Variants in CWF19L2 observed in about 807,000 individuals in gnomAD.
CWF19L2 encodes the protein CWF19-like protein 2.
CWF19L2 carries 98 observed loss-of-function variants against 111.7 expected under a neutral mutation model. The ratio of observed to expected loss-of-function variants is 0.88; its 90% confidence interval spans 0.75 to 1.04. The LOEUF (loss-of-function observed/expected upper bound fraction) is 1.04, where lower values mean the gene tolerates loss of function less well. Ranked by LOEUF, CWF19L2 falls within the 50% of genes least tolerant of loss-of-function variation. The probability of loss-of-function intolerance (pLI) is 0.00; values close to 1 mark genes in which losing one functional copy is unlikely to be tolerated. For missense variants in CWF19L2, 1,101 were observed against 1,051.4 expected, an observed-to-expected ratio of 1.05 and a Z score of -0.65; for synonymous variants, 351 against 342.9, an observed-to-expected ratio of 1.02 and a Z score of -0.26.
chr11:107,345,019 G>A (rs1220424608), intron 14 of CWF19L2, among the ~76,000 whole-genome samples: 1 of 152,088 alleles, frequency 6.6e-6, no homozygotes, highest in African/African-American at 2.4e-5. Flanking sequence ...ATACTATCCT[G>A]ACTGGAAGGA....
chr11:107,451,563 C>T (rs1010080345), intron 3 of CWF19L2, among the ~76,000 whole-genome samples: 1 of 151,776 alleles, frequency 6.6e-6, no homozygotes, highest in African/African-American at 2.4e-5. Context: ...ACAGAGGAAA[C>T]AAACAGAAAA....
chr11:107,353,489 G>C (rs374724322), intron 13 of CWF19L2, 35 bp downstream of exon 13: 4 of 1,535,478 alleles, frequency 2.6e-6, no homozygotes, highest in Non-Finnish European at 3.6e-6. Context: ...AAAGTTCTAT[G>C]AGAATGTAAG....
Position 107,336,729 on chromosome 11 carries a change from A to C in CWF19L2, c.2203-16T>G, listed in dbSNP as rs1859931074. On this transcript the variant is annotated splice_polypyrimidine_tract_variant and intron_variant, in intron 14 of 17. Coordinates refer to ENST00000282251, the MANE Select transcript of CWF19L2 (RefSeq NM_152434.3). ...TTCTGAACATCTAAAAAAAAAAAAGAACTAGGTAAAGAAAACACTTAAAGG... is the reference window on the plus strand; with the variant it reads ...TTCTGAACATCTAAAAAAAAAAAAGCACTAGGTAAAGAAAACACTTAAAGG... 1 of 1,313,662 alleles carries C rather than the reference A, an allele frequency of 7.6e-7. No homozygotes were observed. Among genetic ancestry groups the C allele is most frequent in the African/African-American group, 1.5e-5 (1 of 65,838 alleles). 81.4% of individuals were successfully genotyped at this position (1,313,662 alleles called of 1,614,324 possible).
intron 16 of CWF19L2, among the ~76,000 whole-genome samples, chr11:107,333,068 C>T (rs796233281): frequency 6.9e-5 from 10 of 145,248 alleles, no homozygotes; most frequent in African/African-American, 2.3e-4. Flanking sequence ...CGTCACTGGG[C>T]GACAGAGCTA....
At chr11:107,436,732 TA>T (rs1228746537) in intron 6 of CWF19L2, among the ~76,000 whole-genome samples, 1 of 152,150 alleles carries the variant, frequency 6.6e-6, no homozygotes, top group African/African-American at 2.4e-5. Flanking sequence ...TACATGGTAA[TA>T]AAAATAGTCT....
At chr11:107,363,118 A>G (rs1406484673) in intron 12 of CWF19L2, among the ~76,000 whole-genome samples, 1 of 152,094 alleles carries the variant, frequency 6.6e-6, no homozygotes, top group Non-Finnish European at 1.5e-5. Flanking sequence ...AGGGAAGTTT[A>G]GAGAAAAAAG....
intron 8 of CWF19L2, among the ~76,000 whole-genome samples, chr11:107,425,812 G>T (rs1418176735): frequency 6.6e-6 from 1 of 151,746 alleles, no homozygotes; most frequent in East Asian, 1.9e-4. Flanking sequence ...TATATAAAAT[G>T]GGTTAGTTTC....
At chr11:107,441,226 T>C (rs894593762) in intron 5 of CWF19L2, among the ~76,000 whole-genome samples, 4 of 152,154 alleles carry the variant, frequency 2.6e-5, no homozygotes, top group African/African-American at 9.7e-5. Context: ...GAAACAAAAA[T>C]TGAGTGAGTT....
chr11:107,437,674 CT>C (rs1250975926), intron 6 of CWF19L2, among the ~76,000 whole-genome samples: 1 of 152,134 alleles, frequency 6.6e-6, no homozygotes, highest in East Asian at 1.9e-4. Flanking sequence ...TAATTTTCTC[CT>C]AGTATCTTTG....
At chr11:107,355,974 T>C (rs1860231796) in intron 12 of CWF19L2, among the ~76,000 whole-genome samples, 1 of 152,228 alleles carries the variant, frequency 6.6e-6, no homozygotes, top group African/African-American at 2.4e-5. Flanking sequence ...TAGATGACAT[T>C]CTGGGTCATA....
rs1271775419 is a variant in CWF19L2, at chr11:107,457,808, T to C, written c.9A>G (p.Thr3=). The part of the protein sequence containing the change: MA[T]SMAAASGRFE... ...ATCTACCACTAGCAGCCGCCATACTTGTTGCCATCGTAAAGCTAAGAAGCC... is the reference window on the plus strand; with the variant it reads ...ATCTACCACTAGCAGCCGCCATACTCGTTGCCATCGTAAAGCTAAGAAGCC... The change falls in exon 1 of 18, where the codon ACA becomes ACG. Residue 3 remains threonine (T), a synonymous_variant. Transcript: ENST00000282251. The C allele has an allele frequency of 4.5e-6, 7 of 1,551,526 alleles. No homozygotes were observed. Among genetic ancestry groups the C allele is most frequent in the Non-Finnish European group, 6.1e-6 (7 of 1,146,832 alleles).
At chr11:107,333,459 C>T (rs1050102965) in intron 16 of CWF19L2, among the ~76,000 whole-genome samples, 1 of 152,206 alleles carries the variant, frequency 6.6e-6, no homozygotes, top group East Asian at 1.9e-4. Context: ...TTTCAACTGT[C>T]ATTAAAACTA....
At chr11:107,385,494 G>A (rs996923406) in intron 12 of CWF19L2, among the ~76,000 whole-genome samples, 48 of 151,786 alleles carry the variant, frequency 3.2e-4, no homozygotes, top group African/African-American at 9.9e-4. Flanking sequence ...TTATCTAAAC[G>A]TCAATTAAAA....
chr11:107,443,012 T>G lies in CWF19L2; in HGVS notation c.377A>C (p.Gln126Pro). 6.4e-7 allele frequency: 1 copy of G among 1,551,894 alleles called. No individual in the cohort carries two copies. Among genetic ancestry groups the G allele is most frequent in the Non-Finnish European group, 8.7e-7 (1 of 1,146,864 alleles). The change falls in exon 4 of 18, where the codon CAG (glutamine) becomes CCG (proline). Residue 126 changes from glutamine to proline, a missense_variant. Coordinates refer to ENST00000282251, the MANE Select transcript of CWF19L2 (RefSeq NM_152434.3). Reference sequence around the variant, plus strand: ...CCAGGCTTTTTCCTTGTCAGGAGTCTGGGATGGAACAGCCTCAACCCACTC... The same window carrying G: ...CCAGGCTTTTTCCTTGTCAGGAGTCGGGGATGGAACAGCCTCAACCCACTC... ...EDEWVEAVPS[Q>P]TPDKEKAWKV...
Position 107,392,786 on chromosome 11 carries a change from C to A in CWF19L2, c.1727G>T (p.Arg576Ile). Residue 576 changes from arginine to isoleucine, a missense_variant, in exon 11 of 18, where the codon AGA becomes ATA. By Grantham distance (97) the Arg-to-Ile change is moderately conservative. Coordinates refer to ENST00000282251, the MANE Select transcript of CWF19L2 (RefSeq NM_152434.3). ...SLESQGGRRK[R>I]QMVSTHEERE... ...GACATATGTTAAACATACCATCTGT[C>A]TCTTTCTTCTTCCTCCTTGTGATTC... 1 of 1,570,818 alleles carries A rather than the reference C, an allele frequency of 6.4e-7. No homozygotes were observed. Among genetic ancestry groups the A allele is most frequent in the South Asian group, 1.1e-5 (1 of 87,740 alleles).
intron 12 of CWF19L2, among the ~76,000 whole-genome samples, chr11:107,364,318 C>T (rs1185787553): frequency 7.5e-5 from 11 of 146,892 alleles, no homozygotes; most frequent in African/African-American, 2.3e-4. Flanking sequence ...CTGCCTCAAG[C>T]GGACCTAATA....
chr11:107,367,944 T>C (rs1006019326), intron 12 of CWF19L2, among the ~76,000 whole-genome samples: 3 of 137,340 alleles, frequency 2.2e-5, no homozygotes, highest in Non-Finnish European at 3.1e-5. Flanking sequence ...CAGTGAGATA[T>C]AGCAAAAGCA....
chr11:107,364,335 T>C (rs1405999359), intron 12 of CWF19L2, among the ~76,000 whole-genome samples: 1 of 147,630 alleles, frequency 6.8e-6, no homozygotes, highest in Non-Finnish European at 1.5e-5. Flanking sequence ...AATATACATC[T>C]ACAGAACTCT....
chr11:107,437,140 A>G (rs1309868748), intron 6 of CWF19L2, among the ~76,000 whole-genome samples: 1 of 149,686 alleles, frequency 6.7e-6, no homozygotes, highest in African/African-American at 2.4e-5. Flanking sequence ...ATTTAATCAT[A>G]CAAGTATCTG....
Sources: allele counts gnomAD v4.1 joint callset (sites outside exome capture counted in the v4.1 genomes callset), GRCh38; gene constraint gnomAD v4.1.1; transcripts MANE v1.5; gene names NCBI Gene and HGNC (gene_info 2026-07-23, HGNC 2026-07-21).